Variants in FHIT observed in about 807,000 individuals in gnomAD.
The protein encoded by FHIT is fragile histidine triad diadenosine triphosphatase, also known as bis(5'-adenosyl)-triphosphatase.
FHIT carries 19 observed loss-of-function variants against 17.9 expected under a neutral mutation model. That is an observed-to-expected ratio of 1.06 (90% CI 0.74 to 1.56). The LOEUF is 1.56. Among genes scored for constraint, FHIT ranks in the 40% most tolerant of loss-of-function variants. FHIT has a pLI of 0.00. For missense variants in FHIT, 248 were observed against 189.2 expected (o/e 1.31, Z -1.82); for synonymous variants, 81 against 69.7 (o/e 1.16, Z -0.81).
At chr3:59,982,116 T>C (rs544563001) in intron 7 of FHIT, among the ~76,000 whole-genome samples, 10 of 152,296 alleles carry the variant, frequency 6.6e-5, no homozygotes, top group Non-Finnish European at 1.2e-4. Context: ...GCTCTTCGCG[T>C]TACATTAGCT....
chr3:60,935,642 G>A (rs868981288), intron 3 of FHIT, among the ~76,000 whole-genome samples: 6 of 152,170 alleles, frequency 3.9e-5, no homozygotes, highest in African/African-American at 7.2e-5. Context: ...TGCATCCGTC[G>A]ATAACTTCTC....
chr3:59,890,368 C>T (rs1262656100), intron 8 of FHIT, among the ~76,000 whole-genome samples: 2 of 152,008 alleles, frequency 1.3e-5, no homozygotes, highest in Non-Finnish European at 2.9e-5. Flanking sequence ...GACTCTTTTT[C>T]AGATTGCCTA....
At chr3:60,173,877 T>C (rs1481080618) in intron 5 of FHIT, among the ~76,000 whole-genome samples, 1 of 93,120 alleles carries the variant, frequency 1.1e-5, no homozygotes, top group Non-Finnish European at 2.0e-5. Context: ...ACTATCTCCA[T>C]GTTTCTAATA....
chr3:59,885,056 G>A (rs1013891689), intron 8 of FHIT, among the ~76,000 whole-genome samples: 1 of 152,134 alleles, frequency 6.6e-6, no homozygotes. Flanking sequence ...TGCCAAAACA[G>A]ATTTGCTAAT....
chr3:60,076,310 A>G lies in FHIT; in HGVS notation c.104-62158T>C, dbSNP rs182721042. ...AAACATCAAGTGTCGTAAATATTCTAAGTATTCAGAATGAGGTCCAGTACT... is the reference window on the plus strand; with the variant it reads ...AAACATCAAGTGTCGTAAATATTCTGAGTATTCAGAATGAGGTCCAGTACT... On this transcript the variant is annotated intron_variant, in intron 5 of 9. Coordinates refer to ENST00000492590, the MANE Select transcript of FHIT (RefSeq NM_002012.4). Among the ~76,000 whole-genome samples, 449 of 152,196 alleles carry G rather than the reference A, an allele frequency of 3.0e-3. 4 individuals are homozygous for G. The highest frequency in any genetic ancestry group is 4.8e-3 in the Non-Finnish European group (329 of 67,980).
intron 5 of FHIT, among the ~76,000 whole-genome samples, chr3:60,408,862 G>A (rs141787818): frequency 6.6e-6 from 1 of 152,182 alleles, no homozygotes; most frequent in East Asian, 1.9e-4. Flanking sequence ...AAAAACAAAA[G>A]CCATAATTCC....
intron 4 of FHIT, among the ~76,000 whole-genome samples, chr3:60,802,993 T>A (rs550949188): frequency 6.6e-6 from 1 of 152,308 alleles, no homozygotes; most frequent in East Asian, 1.9e-4. Context: ...GACAATGGGA[T>A]GTTTGCCAAA....
chr3:61,022,245 A>G (rs1430782876), intron 3 of FHIT, among the ~76,000 whole-genome samples: 1 of 152,236 alleles, frequency 6.6e-6, no homozygotes, highest in African/African-American at 2.4e-5. Context: ...AAAATATAGA[A>G]GAAATGGATA....
intron 5 of FHIT, among the ~76,000 whole-genome samples, chr3:60,396,638 G>T (rs1224411688): frequency 6.6e-6 from 1 of 152,122 alleles, no homozygotes; most frequent in Admixed American, 6.5e-5. Context: ...ATCATGGGCT[G>T]GAGTGGATGG....
intron 5 of FHIT, among the ~76,000 whole-genome samples, chr3:60,514,499 T>A (rs1048975015): frequency 2.0e-5 from 3 of 151,508 alleles, no homozygotes; most frequent in African/African-American, 7.3e-5. Flanking sequence ...GTCGAGGAGG[T>A]GGGGAGAAGG....
Position 60,955,621 on chromosome 3 carries a change from T to TATAC in FHIT, c.-111+86425_-111+86426insGTAT, listed in dbSNP as rs1559862405. Among the ~76,000 whole-genome samples, 56 of 15,186 alleles carry TATAC rather than the reference T, an allele frequency of 3.7e-3. 2 individuals carry two copies. The highest frequency in any genetic ancestry group is 0.028 in the East Asian group (1 of 36). 10.0% of individuals were successfully genotyped at this position (15,186 alleles called of 152,430 possible). A position where few individuals can be genotyped will look rare whatever the true frequency, so the allele number is the denominator to read the frequency against. On this transcript the variant is annotated intron_variant, in intron 3 of 9. Coordinates refer to ENST00000492590, the MANE Select transcript of FHIT (RefSeq NM_002012.4). ...ACATATATATATATATATATATATA[T>TATAC]ATATATATATATACACACACACACA...
chr3:59,801,991 C>A (rs779578649), intron 8 of FHIT, among the ~76,000 whole-genome samples: 2 of 152,222 alleles, frequency 1.3e-5, no homozygotes, highest in Non-Finnish European at 2.9e-5. Context: ...TTCTTCCAAA[C>A]GTGTATCAAA....
rs542185826 is a variant in FHIT at position 60,200,981 on chromosome 3, A to T, written c.104-186829T>A. 1.2e-4 allele frequency among the ~76,000 whole-genome samples: 18 copies of T among 152,256 alleles called. No homozygotes were observed. The South Asian group carries it at 3.7e-3, about 32-fold the overall frequency. On this transcript the variant is annotated intron_variant, in intron 5 of 9. Coordinates refer to ENST00000492590, the MANE Select transcript of FHIT (RefSeq NM_002012.4). ...AGGACAGACAAGCAACAAAAATAAA[A>T]TGGTCCCTGTCTCCAACAGAACTTA...
intron 2 of FHIT, among the ~76,000 whole-genome samples, chr3:61,105,787 G>A (rs1417131456): frequency 2.0e-5 from 3 of 152,160 alleles, no homozygotes; most frequent in African/African-American, 7.2e-5. Flanking sequence ...AGTTATTTGT[G>A]CAGAAAAGGT....
chr3:59,908,853 T>TTTTTTTTTTTTTTTTTTTTTTGAGACGG (rs1271629999), intron 8 of FHIT, among the ~76,000 whole-genome samples: 53 of 150,804 alleles, frequency 3.5e-4, no homozygotes, highest in African/African-American at 1.2e-3. Context: ...CATTTTTTAA[T>TTTTTTTTTTTTTTTTTTTTTTGAGACGG]AGTCCAACTG....
At chr3:60,906,419 CCTATCTAAT>C (rs1308749399) in intron 3 of FHIT, among the ~76,000 whole-genome samples, 3 of 152,180 alleles carry the variant, frequency 2.0e-5, no homozygotes, top group African/African-American at 7.2e-5. Context: ...TACTTATCTA[CCTATCTAAT>C]CTATCTAATC....
At chr3:60,726,700 G>T (rs1224049240) in intron 4 of FHIT, among the ~76,000 whole-genome samples, 1 of 152,020 alleles carries the variant, frequency 6.6e-6, no homozygotes, top group South Asian at 2.1e-4. Flanking sequence ...AGCTCTCTAG[G>T]TACCTAAAAG....
At chr3:60,544,135 A>G (rs567123965) in intron 4 of FHIT, among the ~76,000 whole-genome samples, 1 of 151,172 alleles carries the variant, frequency 6.6e-6, no homozygotes, top group Non-Finnish European at 1.5e-5. Flanking sequence ...TCCTACTTTC[A>G]TGTTTCTTTG....
intron 7 of FHIT, among the ~76,000 whole-genome samples, chr3:59,988,399 C>G (rs1709081831): frequency 6.6e-6 from 1 of 152,068 alleles, no homozygotes; most frequent in African/African-American, 2.4e-5. Flanking sequence ...TTATGTGTAA[C>G]ATGATCGAAT....
Sources: allele counts gnomAD v4.1 joint callset (sites outside exome capture counted in the v4.1 genomes callset), GRCh38; gene constraint gnomAD v4.1.1; transcripts MANE v1.5; gene names NCBI Gene and HGNC (gene_info 2026-07-23, HGNC 2026-07-21).